GPHN: variants seen among roughly 807,000 people sequenced by gnomAD.
The protein encoded by GPHN is gephyrin.
A neutral mutation model predicts 95.5 loss-of-function variants in GPHN; 17 were observed. The ratio of observed to expected loss-of-function variants is 0.18; its 90% CI spans 0.12 to 0.27. GPHN has a LOEUF of 0.27. Ranked by LOEUF, GPHN falls within the 10% of genes least tolerant of loss-of-function variation. GPHN has a pLI of 1.00. For missense variants in GPHN, 660 were observed against 978.1 expected (o/e 0.67, Z 4.34); for synonymous variants, 320 against 322.5 (o/e 0.99, Z 0.08).
chr14:66,692,949 A>G (rs2067873570), intron 2 of GPHN, among the ~76,000 whole-genome samples: 1 of 152,132 alleles, frequency 6.6e-6, no homozygotes, highest in African/African-American at 2.4e-5. Flanking sequence ...TTAAAAAATT[A>G]TAAGCATGGC....
chr14:67,333,758 A>G, the GPHN span: 1 of 152,592 alleles, frequency 6.6e-6, no homozygotes, highest in Admixed American at 6.5e-5. Context: ...GCATAGTATA[A>G]TAGAATGTAT....
chr14:67,437,256 T>C, the GPHN span, among the ~76,000 whole-genome samples: 1 of 152,044 alleles, frequency 6.6e-6, no homozygotes, highest in Non-Finnish European at 1.5e-5. Context: ...TTGCAGTCCA[T>C]GGTGGGGAGG....
At chr14:66,779,120 A>G (rs1029998640) in intron 3 of GPHN, among the ~76,000 whole-genome samples, 4 of 152,166 alleles carry the variant, frequency 2.6e-5, no homozygotes, top group Admixed American at 2.6e-4. Flanking sequence ...CCATTGATCT[A>G]TTATATGATA....
chr14:66,975,192 C>T (rs1440185986), intron 9 of GPHN, among the ~76,000 whole-genome samples: 1 of 152,084 alleles, frequency 6.6e-6, no homozygotes, highest in East Asian at 1.9e-4. Flanking sequence ...TTTTCACCAA[C>T]CCGTATTTTG....
chr14:67,043,602 T>G (rs1018403375), intron 10 of GPHN, among the ~76,000 whole-genome samples: 4 of 152,162 alleles, frequency 2.6e-5, no homozygotes, highest in Non-Finnish European at 5.9e-5. Context: ...TGGATAAGAT[T>G]TTTGATGTGC....
chr14:67,058,955 G>C, intron 11 of GPHN, 169 bp downstream of exon 11: 1 of 675,280 alleles, frequency 1.5e-6, no homozygotes, highest in Non-Finnish European at 2.5e-6. Context: ...AAGGCTAAGG[G>C]TTCAGCCTTA....
chr14:67,179,226 A>T (rs2140190387), intron 21 of GPHN, among the ~76,000 whole-genome samples: 1 of 151,414 alleles, frequency 6.6e-6, no homozygotes, highest in East Asian at 1.9e-4. Flanking sequence ...CTCTAAAAAT[A>T]AAAATAAAAA....
chr14:66,544,810 C>T (rs1009194958), intron 1 of GPHN, among the ~76,000 whole-genome samples: 1 of 151,950 alleles, frequency 6.6e-6, no homozygotes, highest in Non-Finnish European at 1.5e-5. Context: ...ATGCTGCCTT[C>T]AAGCATCTGT....
chr14:67,221,005 T>C, the GPHN span, among the ~76,000 whole-genome samples: 2 of 152,190 alleles, frequency 1.3e-5, no homozygotes, highest in Non-Finnish European at 2.9e-5. Flanking sequence ...AAAATACTTA[T>C]TGAAAATGTG....
the GPHN span, chr14:67,225,395 T>C: frequency 1.8e-6 from 1 of 560,926 alleles, no homozygotes; most frequent in Non-Finnish European, 2.8e-6. Context: ...ATAAGTGGAA[T>C]GAAATGTTAG....
chr14:67,398,900 T>C, the GPHN span, among the ~76,000 whole-genome samples: 5 of 152,218 alleles, frequency 3.3e-5, no homozygotes, highest in African/African-American at 9.7e-5. Context: ...TCTCATACCA[T>C]TAAATTTCTG....
At chr14:66,511,484 C>T (rs2058039196) in intron 1 of GPHN, among the ~76,000 whole-genome samples, 1 of 152,022 alleles carries the variant, frequency 6.6e-6, no homozygotes, top group African/African-American at 2.4e-5. Flanking sequence ...GTGATCTACC[C>T]ACACACACAT....
the GPHN span, chr14:67,352,988 G>C: frequency 1.2e-6 from 2 of 1,613,978 alleles, no homozygotes; most frequent in Non-Finnish European, 8.5e-7. Context: ...TTCTTCAGGA[G>C]GTTTCGACCT....
chr14:67,709,007 G>T, the GPHN span, among the ~76,000 whole-genome samples: 1 of 152,126 alleles, frequency 6.6e-6, no homozygotes, highest in Admixed American at 6.5e-5. Flanking sequence ...TGGCCAGGAT[G>T]GTCTCGATCT....
intron 6 of GPHN, among the ~76,000 whole-genome samples, chr14:66,917,515 C>T (rs1373918889): frequency 6.6e-6 from 1 of 152,126 alleles, no homozygotes; most frequent in Admixed American, 6.6e-5. Context: ...ACCATTCTTC[C>T]TTCTCTCTAT....
chr14:67,004,329 T>G (rs538438497), intron 9 of GPHN, among the ~76,000 whole-genome samples: 25 of 151,934 alleles, frequency 1.6e-4, no homozygotes, highest in African/African-American at 6.0e-4. Context: ...ACTTTCAGTT[T>G]TGCTGAAACT....
chr14:67,373,139 CAT>C, the GPHN span, among the ~76,000 whole-genome samples: 1 of 152,156 alleles, frequency 6.6e-6, no homozygotes, highest in Non-Finnish European at 1.5e-5. Flanking sequence ...ATAAAATTAA[CAT>C]GTACTTAATA....
At chr14:66,976,162 T>G (rs1481357418) in intron 9 of GPHN, among the ~76,000 whole-genome samples, 4 of 152,214 alleles carry the variant, frequency 2.6e-5, no homozygotes, top group Non-Finnish European at 2.9e-5. Flanking sequence ...TAACTTCACT[T>G]AAGATCTTTT....
the GPHN span, chr14:67,204,952 G>A: frequency 5.0e-6 from 8 of 1,607,390 alleles, no homozygotes; most frequent in African/African-American, 1.1e-4. Flanking sequence ...AGAGGTCCCG[G>A]ATGTAAGAAT....
Sources: gnomAD v4.1 joint callset for allele counts (sites outside exome capture counted in the v4.1 genomes callset) on GRCh38, gnomAD v4.1.1 for gene constraint, MANE v1.5 for transcripts, NCBI Gene and HGNC (gene_info 2026-07-23, HGNC 2026-07-21) for gene names.